The following ROGDI variants were observed in gnomAD, a reference collection of about 807,000 sequenced individuals.
ROGDI encodes the protein protein rogdi homolog.
In ROGDI, 46 loss-of-function variants were observed where a neutral mutation model predicts 43.1. The observed-to-expected ratio is 1.07, with a 90% CI of 0.84 to 1.37. The LOEUF (loss-of-function observed/expected upper bound fraction) is 1.37, where lower values mean the gene tolerates loss of function less well. ROGDI is among the 40% of genes most tolerant of loss of function. The pLI, the probability that ROGDI is intolerant of heterozygous loss-of-function variation, is 0.00. For synonymous variants in ROGDI, 243 were observed against 162.0 expected (o/e 1.50, Z -3.80); for missense variants, 518 against 383.9 (o/e 1.35, Z -2.92).
intron 2 of ROGDI, 179 bp downstream of exon 2, chr16:4,802,203 C>G (rs1333270345): frequency 1.5e-6 from 1 of 675,620 alleles, no homozygotes; most frequent in Non-Finnish European, 2.6e-6. Flanking sequence ...CGCCCCTGCC[C>G]GCACACAGGT....
At position 4,799,703 on chromosome 16, in the gene ROGDI, C is replaced by G. The variant is rs1452770141; in HGVS notation, c.415G>C (p.Gly139Arg). 1 of 1,613,380 alleles carries G rather than the reference C, an allele frequency of 6.2e-7. No homozygotes were observed. Among genetic ancestry groups the G allele is most frequent in the African/African-American group, 1.3e-5 (1 of 74,998 alleles). The change falls in exon 6 of 11, where the codon GGC (glycine) becomes CGC (arginine). Residue 139 changes from glycine (G) to arginine (R), a missense_variant. Coordinates refer to ENST00000322048, the MANE Select transcript of ROGDI (RefSeq NM_024589.3). ...CAGCTCACCTTGAGGACCTCAGCGC[C>G]CGTCTTGAACTGGTAGCTCTGGTCC... ...SRDQSYQFKT[G>R]AEVLKLMDAV...
chr16:4,802,147 G>C, intron 2 of ROGDI: 1 of 654,940 alleles, frequency 1.5e-6, no homozygotes, highest in Non-Finnish European at 2.8e-6. Flanking sequence ...TCCCCGACCC[G>C]AGGCCGGGCG....
At chr16:4,802,357 G>A (rs550048759) in intron 2 of ROGDI, 25 bp downstream of exon 2, 26 of 1,546,672 alleles carry the variant, frequency 1.7e-5, no homozygotes, top group East Asian at 4.7e-5. Flanking sequence ...CGCCACGCCC[G>A]GCGGGGCAGG....
At position 4,802,605 on chromosome 16, in the gene ROGDI, G is replaced by A; in HGVS notation, c.-34C>T. On this transcript the variant is annotated 5_prime_UTR_variant, in exon 1 of 11. Coordinates refer to ENST00000322048, the MANE Select transcript of ROGDI (RefSeq NM_024589.3). ...GCCGCCGCCGAGCGCCCTCCCCACC[G>A]GCCGCTGCTCCTGTCCACCAATCTT... 9 of 1,297,480 alleles carry A rather than the reference G, an allele frequency of 6.9e-6. 1 individual carries two copies. In the South Asian group the frequency reaches 9.1e-5, roughly 13 times the overall value. The allele number at this position is 1,297,480 out of a possible 1,614,324, so 80.4% of individuals were successfully genotyped here.
intron 2 of ROGDI, chr16:4,802,005 C>T (rs1160840671): frequency 3.5e-6 from 2 of 578,382 alleles, no homozygotes; most frequent in South Asian, 1.5e-5. Context: ...GAAGCGGGTA[C>T]TGTTATCTCC....
At position 4,797,799 on chromosome 16, in the gene ROGDI, T is replaced by G; in HGVS notation, c.737A>C (p.Lys246Thr). ...GAGCCAGGGGATCACGCACTCCACT[T>G]TGTGCACGTGGCTCACCTCCAGGCG... is the stretch of plus-strand genomic sequence containing the variant. ...SQRLEVSHVHKVECVIPWLND... is the reference protein window; with the variant it reads ...SQRLEVSHVHTVECVIPWLND... Residue 246 changes from lysine to threonine, a missense_variant, in exon 10 of 11, where the codon AAA becomes ACA. Transcript: ENST00000322048. The G allele has an allele frequency of 6.2e-7, 1 of 1,613,258 alleles. No homozygotes were observed. The highest frequency in any genetic ancestry group is 1.1e-5 in the South Asian group (1 of 91,080).
chr16:4,801,460 C>G (rs150620958), intron 3 of ROGDI, 43 bp downstream of exon 3: 49 of 1,580,030 alleles, frequency 3.1e-5, no homozygotes, highest in Admixed American at 9.2e-5. Context: ...CTCCTACCCC[C>G]CAAGGTACCC....
intron 6 of ROGDI, among the ~76,000 whole-genome samples, chr16:4,799,055 A>AG (rs550697562): frequency 2.0e-5 from 3 of 152,072 alleles, no homozygotes; most frequent in Non-Finnish European, 4.4e-5. Flanking sequence ...TGAGGTTTTC[A>AG]GGGGGGTAAG....
intron 4 of ROGDI, chr16:4,800,957 C>A: frequency 2.0e-6 from 1 of 505,514 alleles, no homozygotes; most frequent in Middle Eastern, 5.1e-4. Context: ...CGGGTGCAGA[C>A]TGGAGTTCAG....
At position 4,802,438 on chromosome 16, in the gene ROGDI, A is replaced by T. The variant is rs2082743410; in HGVS notation, c.61T>A (p.Trp21Arg). The change falls in exon 2 of 11, where the codon TGG becomes AGG. Residue 21 changes from tryptophan to arginine, a missense_variant. Physicochemically the swap from Trp to Arg is moderately radical, Grantham distance 101. Coordinates refer to ENST00000322048, the MANE Select transcript of ROGDI (RefSeq NM_024589.3). ...ERAVLEEEFRWLLHDEVHAVL... is the reference protein window; with the variant it reads ...ERAVLEEEFRRLLHDEVHAVL... ...GCGTGCACCTCGTCGTGCAGCAGCCAGCGGAACTCCTCCTCCTGCGGGACA... is the reference window on the plus strand; with the variant it reads ...GCGTGCACCTCGTCGTGCAGCAGCCTGCGGAACTCCTCCTCCTGCGGGACA... The T allele has an allele frequency of 6.9e-7, 1 of 1,459,298 alleles. No homozygotes were observed. The highest frequency in any genetic ancestry group is 2.6e-5 in the Admixed American group (1 of 38,590). The allele number at this position is 1,459,298 out of a possible 1,614,324, so 90.4% of individuals were successfully genotyped here. A position where few individuals can be genotyped will look rare whatever the true frequency, so the allele number is the denominator to read the frequency against.
chr16:4,798,329 T>G (rs1203537733), intron 7 of ROGDI, 145 bp from the exon 8 acceptor site: 21 of 779,864 alleles, frequency 2.7e-5, no homozygotes. Context: ...GCTTCCAGAC[T>G]TTTCCCAGGT....
At chr16:4,801,831 C>A (rs1252946317) in intron 2 of ROGDI, 2 of 592,156 alleles carry the variant, frequency 3.4e-6, no homozygotes, top group African/African-American at 1.9e-5. Flanking sequence ...GAATACAAAA[C>A]AGACAGGGGC....
At position 4,798,193 on chromosome 16, in the gene ROGDI, G is replaced by A. The variant is rs1323271324; in HGVS notation, c.532-9C>T. On this transcript the variant is annotated splice_polypyrimidine_tract_variant and intron_variant, in intron 7 of 10. Coordinates refer to ENST00000322048, the MANE Select transcript of ROGDI (RefSeq NM_024589.3). ...GCAGGGGCGAACATCCGCTGCGGGA[G>A]GCAGGTGGGATGAGGCCCTCGCAAG... 1 of 1,610,684 alleles carries A rather than the reference G, an allele frequency of 6.2e-7. No homozygotes were observed. The highest frequency in any genetic ancestry group is 1.1e-5 in the South Asian group (1 of 90,824).
intron 2 of ROGDI, chr16:4,801,857 T>C: frequency 3.4e-6 from 2 of 583,400 alleles, no homozygotes; most frequent in Non-Finnish European, 6.2e-6. Context: ...CCCAGCTTGG[T>C]TGAGGGGGAA....
Position 4,799,672 on chromosome 16 carries a change from C to T in ROGDI, c.432+14G>A, listed in dbSNP as rs568004509. The T allele has an allele frequency of 1.0e-5, 16 of 1,603,872 alleles. No individual in the cohort carries two copies. The highest frequency in any genetic ancestry group is 4.0e-5 in the African/African-American group (3 of 74,626). ...TGGGACTAGGCCCAGGAGTCAGGCC[C>T]GGGGGCAGCTCACCTTGAGGACCTC... On this transcript the variant is annotated intron_variant, in intron 6 of 10. Transcript: ENST00000322048.
chr16:4,797,985 G>T lies in ROGDI; in HGVS notation c.648C>A (p.Asn216Lys). The T allele has an allele frequency of 6.2e-7, 1 of 1,611,302 alleles. No homozygotes were observed. ...GCACCGCGCCCCCAGCTGGGCGGAA[G>T]TTCTAGGGAGAACAGCACCAGACCC... Reference protein sequence around the residue: ...LHALQPNSTKNFRPAGGAVLH... With the variant: ...LHALQPNSTKKFRPAGGAVLH... The change falls in exon 9 of 11, where the codon AAC becomes AAA. Residue 216 changes from asparagine to lysine, a missense_variant and splice_region_variant. Transcript: ENST00000322048.
intron 4 of ROGDI, 175 bp downstream of exon 4, chr16:4,801,092 C>T (rs896209956): frequency 3.5e-6 from 2 of 570,766 alleles, no homozygotes; most frequent in Non-Finnish European, 6.1e-6. Context: ...ACTGAATCTG[C>T]ACACCGATCC....
In ROGDI at chr16:4,798,644, C is replaced by G. The variant is rs776125883; in HGVS notation, c.456G>C (p.Gln152His). The G allele has an allele frequency of 6.4e-7, 1 of 1,572,718 alleles. No individual in the cohort carries two copies. Residue 152 changes from glutamine to histidine, a missense_variant, in exon 7 of 11, where the codon CAG becomes CAC. Coordinates refer to ENST00000322048, the MANE Select transcript of ROGDI (RefSeq NM_024589.3). ...VLKLMDAVML[Q>H]LTRARNRLTT... ...TGAGCCGGTTTCGGGCTCTGGTCAG[C>G]TGCAGCATCACTGCGTCCATCAGCT...
chr16:4,802,619 T>A lies in ROGDI; in HGVS notation c.-48A>T. The A allele has an allele frequency of 7.8e-7, 1 of 1,279,606 alleles. No individual in the cohort carries two copies. Among genetic ancestry groups the A allele is most frequent in the Non-Finnish European group, 9.9e-7 (1 of 1,008,364 alleles). The allele number at this position is 1,279,606 out of a possible 1,614,324, so 79.3% of individuals were successfully genotyped here. A position where few individuals can be genotyped will look rare whatever the true frequency, so the allele number is the denominator to read the frequency against. On this transcript the variant is annotated 5_prime_UTR_variant, in exon 1 of 11. Coordinates refer to ENST00000322048, the MANE Select transcript of ROGDI (RefSeq NM_024589.3). ...CCCTCCCCACCGGCCGCTGCTCCTG[T>A]CCACCAATCTTTCTGTCCTCGGTCC...
Sources: allele counts gnomAD v4.1 joint callset (sites outside exome capture counted in the v4.1 genomes callset), GRCh38; gene constraint gnomAD v4.1.1; transcripts MANE v1.5; gene names NCBI Gene and HGNC (gene_info 2026-07-23, HGNC 2026-07-21).